Variants in ASB5 observed in about 807,000 individuals in gnomAD.
The protein encoded by ASB5 is ankyrin repeat and SOCS box containing 5.
A neutral mutation model predicts 42.1 loss-of-function variants in ASB5; 45 were observed. The ratio of observed to expected loss-of-function variants is 1.07; its 90% CI spans 0.84 to 1.37. The LOEUF (loss-of-function observed/expected upper bound fraction) is 1.37. ASB5 is among the 40% of genes most tolerant of loss of function. The pLI is 0.00. For synonymous variants in ASB5, 147 were observed against 150.6 expected, an observed-to-expected ratio of 0.98 and a Z score of 0.18; for missense variants, 402 against 399.8, an observed-to-expected ratio of 1.01 and a Z score of -0.05.
intron 5 of ASB5, among the ~76,000 whole-genome samples, chr4:176,219,116 G>T (rs1753089111): frequency 9.9e-6 from 1 of 101,222 alleles, no homozygotes; most frequent in South Asian, 3.0e-4. Flanking sequence ...ATATATATTT[G>T]TATGATATAT....
At chr4:176,217,844 C>A (rs1364587013) in intron 5 of ASB5, among the ~76,000 whole-genome samples, 2 of 152,046 alleles carry the variant, frequency 1.3e-5, no homozygotes, top group East Asian at 3.9e-4. Flanking sequence ...TGCATAAGTT[C>A]TTTTCAACTC....
chr4:176,269,531 T>C (rs1421766651), upstream of ASB5, among the ~76,000 whole-genome samples: 2 of 152,328 alleles, frequency 1.3e-5, no homozygotes, highest in East Asian at 3.9e-4. Flanking sequence ...CATTTAAGGC[T>C]TTAAAATGGC....
intron 1 of ASB5, among the ~76,000 whole-genome samples, chr4:176,242,412 CT>C (rs1352959212): frequency 6.6e-6 from 1 of 152,196 alleles, no homozygotes; most frequent in Non-Finnish European, 1.5e-5. Flanking sequence ...ATTTTAAAAA[CT>C]ACTTATACAT....
At chr4:176,276,849 A>G (rs1310005215) in intron 1 of ASB5, among the ~76,000 whole-genome samples, 1 of 152,170 alleles carries the variant, frequency 6.6e-6, no homozygotes, top group Non-Finnish European at 1.5e-5. Flanking sequence ...AGACAACAAA[A>G]AGTACACGGC....
chr4:176,269,759 G>T (rs1754433877), upstream of ASB5, among the ~76,000 whole-genome samples: 1 of 152,164 alleles, frequency 6.6e-6, no homozygotes, highest in African/African-American at 2.4e-5. Flanking sequence ...CAAACCCTTT[G>T]CTAGATTTTG....
At chr4:176,239,844 A>C (rs997641104) in intron 1 of ASB5, among the ~76,000 whole-genome samples, 1 of 152,300 alleles carries the variant, frequency 6.6e-6, no homozygotes, top group South Asian at 2.1e-4. Context: ...TCAATACTTA[A>C]TTCTTTTAAA....
intron 1 of ASB5, among the ~76,000 whole-genome samples, chr4:176,229,365 A>G (rs1365933688): frequency 1.3e-5 from 2 of 152,184 alleles, no homozygotes; most frequent in African/African-American, 4.8e-5. Flanking sequence ...GGGGAAGTAA[A>G]GCTAACAATA....
chr4:176,263,569 T>C (rs1754303144), intron 1 of ASB5, among the ~76,000 whole-genome samples: 1 of 152,162 alleles, frequency 6.6e-6, no homozygotes, highest in South Asian at 2.1e-4. Flanking sequence ...TTCTATCGAT[T>C]CCAGTTATTC....
chr4:176,231,262 C>T (rs1024208156), intron 1 of ASB5, among the ~76,000 whole-genome samples: 1 of 151,246 alleles, frequency 6.6e-6, no homozygotes, highest in East Asian at 1.9e-4. Context: ...AAGAAAAAAT[C>T]ACTTGTCATT....
intron 1 of ASB5, among the ~76,000 whole-genome samples, chr4:176,260,514 T>C (rs1401274973): frequency 1.3e-5 from 2 of 152,194 alleles, no homozygotes; most frequent in Non-Finnish European, 2.9e-5. Flanking sequence ...ATGATACTCC[T>C]TAAGCCTCTC....
chr4:176,245,491 A>AT (rs1238628268), intron 1 of ASB5, among the ~76,000 whole-genome samples: 1 of 152,198 alleles, frequency 6.6e-6, no homozygotes, highest in Non-Finnish European at 1.5e-5. Flanking sequence ...CAGTGTGGCG[A>AT]TTCCTCAAGG....
intron 1 of ASB5, among the ~76,000 whole-genome samples, chr4:176,229,570 T>C (rs1753469826): frequency 6.6e-6 from 1 of 152,094 alleles, no homozygotes; most frequent in African/African-American, 2.4e-5. Context: ...GAAACATAAG[T>C]ATCCAAATCG....
intron 1 of ASB5, among the ~76,000 whole-genome samples, chr4:176,257,670 T>A (rs72708314): frequency 0.21 from 32,147 of 152,146 alleles, 3,462 homozygotes; most frequent in East Asian, 0.26. Context: ...TTCTCCAATA[T>A]CTTTCCTTTT....
chr4:176,244,624 C>T (rs1560814828), intron 1 of ASB5, among the ~76,000 whole-genome samples: 1 of 152,080 alleles, frequency 6.6e-6, no homozygotes, highest in African/African-American at 2.4e-5. Context: ...TAAGATGACC[C>T]AGGGGTTGGG....
Position 176,215,669 on chromosome 4 carries a change from T to C in ASB5, c.921A>G (p.Lys307=). The change falls in exon 7 of 7, where the codon AAA becomes AAG. Residue 307 remains lysine, a synonymous_variant. Transcript: ENST00000296525. ...GTTGTGGGATAAGGTGCAATCTTGG[T>C]TTTCCTATGTAGCTTCGGATACAGA... The part of the protein sequence containing the change: ...CRLCIRSYIG[K]PRLHLIPQLQ... 1 of 1,613,268 alleles carries C rather than the reference T, an allele frequency of 6.2e-7. No individual in the cohort carries two copies.
At chr4:176,217,088 G>C in intron 5 of ASB5, 79 bp from the exon 6 acceptor site, 1 of 1,226,684 alleles carries the variant, frequency 8.2e-7, no homozygotes, top group Non-Finnish European at 1.1e-6. Context: ...GATAGAAAAG[G>C]AAAGGCAATA....
chr4:176,232,931 G>C (rs974717151), intron 1 of ASB5, among the ~76,000 whole-genome samples: 6 of 152,184 alleles, frequency 3.9e-5, no homozygotes, highest in South Asian at 2.1e-4. Context: ...GCCATGGATA[G>C]AGCATGCTGG....
chr4:176,234,612 C>G (rs1418901310), intron 1 of ASB5, among the ~76,000 whole-genome samples: 1 of 152,128 alleles, frequency 6.6e-6, no homozygotes, highest in Non-Finnish European at 1.5e-5. Context: ...TCCTCAATAC[C>G]TAGCACATCA....
In ASB5 at chr4:176,213,896, C is replaced by T. The variant is rs1294667297; in HGVS notation, c.*1704G>A. 1 of 152,082 alleles carries T rather than the reference C, an allele frequency of 6.6e-6. No individual in the cohort carries two copies. Among genetic ancestry groups the T allele is most frequent in the African/African-American group, 2.4e-5 (1 of 41,440 alleles). 9.4% of individuals were successfully genotyped at this position (152,082 alleles called of 1,614,324 possible). ...GTATTACTCTTAAAATCTAAGACTT[C>T]TCCTCTAGCTCAGGGAAAATACTGG... On this transcript the variant is annotated 3_prime_UTR_variant, in exon 7 of 7. Coordinates refer to ENST00000296525, the MANE Select transcript of ASB5 (RefSeq NM_080874.4).
Sources: allele counts gnomAD v4.1 joint callset (sites outside exome capture counted in the v4.1 genomes callset), GRCh38; gene constraint gnomAD v4.1.1; transcripts MANE v1.5; gene names NCBI Gene and HGNC (gene_info 2026-07-23, HGNC 2026-07-21).